GPR149: variants seen among roughly 807,000 people sequenced by gnomAD.
GPR149 encodes G protein-coupled receptor 149.
A neutral mutation model predicts 50.2 loss-of-function variants in GPR149; 50 were observed. The ratio of observed to expected loss-of-function variants is 1.00; its 90% CI spans 0.79 to 1.26. The LOEUF (loss-of-function observed/expected upper bound fraction) is 1.26. Among genes scored for constraint, GPR149 ranks in the 50% most tolerant of loss-of-function variants. The pLI, the probability that GPR149 is intolerant of heterozygous loss-of-function variation, is 0.00. For missense variants in GPR149, 983 were observed against 895.4 expected, an observed-to-expected ratio of 1.10 and a Z score of -1.25; for synonymous variants, 405 against 358.2, an observed-to-expected ratio of 1.13 and a Z score of -1.48.
intron 3 of GPR149, among the ~76,000 whole-genome samples, chr3:154,355,122 G>T (rs1053587165): frequency 2.0e-5 from 3 of 152,140 alleles, no homozygotes; most frequent in African/African-American, 4.8e-5. Flanking sequence ...CTGCCTCCTG[G>T]GTTCAAGCGG....
At chr3:154,372,836 A>G (rs1014951679) in intron 3 of GPR149, among the ~76,000 whole-genome samples, 1 of 152,204 alleles carries the variant, frequency 6.6e-6, no homozygotes, top group African/African-American at 2.4e-5. Context: ...TGGCTTGGGC[A>G]ACTGAATGAT....
Position 154,336,275 on chromosome 3 carries a change from C to T in GPR149, c.*1424G>A, listed in dbSNP as rs1053782273. 2 of 151,944 alleles carry T rather than the reference C, an allele frequency of 1.3e-5. No individual in the cohort carries two copies. Among genetic ancestry groups the T allele is most frequent in the Non-Finnish European group, 2.9e-5 (2 of 67,908 alleles). 9.4% of individuals were successfully genotyped at this position (151,944 alleles called of 1,614,324 possible). On this transcript the variant is annotated 3_prime_UTR_variant, in exon 4 of 4. Coordinates refer to ENST00000389740, the MANE Select transcript of GPR149 (RefSeq NM_001038705.3). ...ATGCTTGTGGCAACAAAAGATGAAA[C>T]ATTCTGAAAGCCGATGTCAAGTAAT...
chr3:154,380,533 A>G (rs1404553559), intron 3 of GPR149, among the ~76,000 whole-genome samples: 1 of 152,156 alleles, frequency 6.6e-6, no homozygotes, highest in Non-Finnish European at 1.5e-5. Flanking sequence ...ATTGCACTAA[A>G]TTATTTATGT....
At chr3:154,419,711 A>AC (rs1234008296) in intron 3 of GPR149, among the ~76,000 whole-genome samples, 2 of 152,062 alleles carry the variant, frequency 1.3e-5, no homozygotes, top group African/African-American at 4.8e-5. Flanking sequence ...ACACACACAC[A>AC]CATATATGCG....
At chr3:154,350,510 G>A (rs1331879756) in intron 3 of GPR149, among the ~76,000 whole-genome samples, 2 of 152,114 alleles carry the variant, frequency 1.3e-5, no homozygotes, top group Admixed American at 1.3e-4. Context: ...CTAATATACT[G>A]GAAACTACAT....
In GPR149 at chr3:154,421,379, T is replaced by C. The variant is rs777707427; in HGVS notation, c.1283A>G (p.His428Arg). Reference sequence around the variant, plus strand: ...TTCACACTCAGAGTTCATCAGGTTGTGATAGAATATGGAATTTTCATCATC... The same window carrying C: ...TTCACACTCAGAGTTCATCAGGTTGCGATAGAATATGGAATTTTCATCATC... ...YDDDENSIFY[H>R]NLMNSECETT... Residue 428 changes from histidine to arginine, a missense_variant, in exon 3 of 4, where the codon CAC becomes CGC. By Grantham distance (29) the His-to-Arg change is conservative. Transcript: ENST00000389740. The C allele has an allele frequency of 6.2e-7, 1 of 1,612,742 alleles. No homozygotes were observed. Among genetic ancestry groups the C allele is most frequent in the South Asian group, 1.1e-5 (1 of 91,000 alleles).
chr3:154,409,228 C>G (rs886958188), intron 3 of GPR149, among the ~76,000 whole-genome samples: 1 of 152,188 alleles, frequency 6.6e-6, no homozygotes, highest in Non-Finnish European at 1.5e-5. Context: ...ACCTGAACAG[C>G]AGCCCTTGAA....
intron 1 of GPR149, among the ~76,000 whole-genome samples, 183 bp from the exon 2 acceptor site, chr3:154,427,891 C>A (rs1712352471): frequency 6.6e-6 from 1 of 152,154 alleles, no homozygotes; most frequent in Non-Finnish European, 1.5e-5. Flanking sequence ...GCGGGGCACA[C>A]CCCCAGGGTT....
intron 3 of GPR149, among the ~76,000 whole-genome samples, chr3:154,383,749 A>C (rs904135593): frequency 6.6e-6 from 1 of 151,990 alleles, no homozygotes; most frequent in Non-Finnish European, 1.5e-5. Context: ...GTTGATCTTT[A>C]ATCCCCCAAA....
In GPR149 at chr3:154,421,404, C is replaced by A. The variant is rs1288857562; in HGVS notation, c.1258G>T (p.Asp420Tyr). The change falls in exon 3 of 4, where the codon GAT becomes TAT. Residue 420 changes from aspartate (D) to tyrosine (Y), a missense_variant. Physicochemically the swap from Asp to Tyr is radical, Grantham distance 160. Transcript: ENST00000389740. ...TGATAGAATATGGAATTTTCATCAT[C>A]ATCATAGTAATCTTCATGTGCTATT... ...YKIAHEDYYD[D>Y]DENSIFYHNL... 5 of 1,611,044 alleles carry A rather than the reference C, an allele frequency of 3.1e-6. No individual in the cohort carries two copies. The African/African-American group carries it at 6.7e-5, about 22-fold the overall frequency.
At chr3:154,417,262 G>T (rs1253934025) in intron 3 of GPR149, among the ~76,000 whole-genome samples, 2 of 151,928 alleles carry the variant, frequency 1.3e-5, no homozygotes, top group African/African-American at 4.8e-5. Context: ...GGTTCAAAAA[G>T]AAGTAATTGT....
rs940832296 is a variant in GPR149 at position 154,373,482 on chromosome 3, C to T, written c.1624-35211G>A. Among the ~76,000 whole-genome samples the T allele has an allele frequency of 5.9e-5, 9 of 152,150 alleles. No homozygotes were observed. In the South Asian group the frequency reaches 8.3e-4, roughly 14 times the overall value. On this transcript the variant is annotated intron_variant, in intron 3 of 3. Coordinates refer to ENST00000389740, the MANE Select transcript of GPR149 (RefSeq NM_001038705.3). ...GAAAGGAACCCAGGAGCTTTCATCA[C>T]GGATTGCCAAGTACTTTAATTAAAT...
At chr3:154,406,081 A>G (rs1711677800) in intron 3 of GPR149, among the ~76,000 whole-genome samples, 1 of 152,024 alleles carries the variant, frequency 6.6e-6, no homozygotes, top group African/African-American at 2.4e-5. Flanking sequence ...GAAGATGAAG[A>G]AAAAGAAATC....
At chr3:154,339,975 T>C (rs1199682981) in intron 3 of GPR149, among the ~76,000 whole-genome samples, 1 of 151,558 alleles carries the variant, frequency 6.6e-6, no homozygotes, top group East Asian at 1.9e-4. Context: ...TATTTTTTTA[T>C]TAGAGACGGG....
chr3:154,337,665 G>A lies in GPR149; in HGVS notation c.*34C>T. 1 of 1,453,802 alleles carries A rather than the reference G, an allele frequency of 6.9e-7. No homozygotes were observed. The highest frequency in any genetic ancestry group is 9.3e-7 in the Non-Finnish European group (1 of 1,074,168). The allele number at this position is 1,453,802 out of a possible 1,614,324, so 90.1% of individuals were successfully genotyped here. A position where few individuals can be genotyped will look rare whatever the true frequency, so the allele number is the denominator to read the frequency against. ...TGTTAGTTTCACAGTTGACGTTGCA[G>A]ATCCATTCTTGCTCCTGTTAGACCA... On this transcript the variant is annotated 3_prime_UTR_variant, in exon 4 of 4. Transcript: ENST00000389740.
intron 3 of GPR149, among the ~76,000 whole-genome samples, chr3:154,345,440 G>A (rs1396550097): frequency 6.6e-6 from 1 of 152,150 alleles, no homozygotes. Flanking sequence ...TGTAATCTCT[G>A]CTTTCTTTTC....
chr3:154,407,693 T>TACACACACACAC (rs1175398541), intron 3 of GPR149, among the ~76,000 whole-genome samples: 18,971 of 139,806 alleles, frequency 0.14, 1,397 homozygotes, highest in East Asian at 0.3. Context: ...GTCATGTGTA[T>TACACACACACAC]ACACACACAC....
intron 3 of GPR149, among the ~76,000 whole-genome samples, chr3:154,357,684 T>C (rs1559973210): frequency 2.0e-5 from 3 of 152,200 alleles, no homozygotes; most frequent in African/African-American, 7.2e-5. Context: ...ACTTTTACAC[T>C]GTTGGTGGGA....
chr3:154,368,126 C>T (rs1321392356), intron 3 of GPR149, among the ~76,000 whole-genome samples: 1 of 152,190 alleles, frequency 6.6e-6, no homozygotes, highest in Non-Finnish European at 1.5e-5. Flanking sequence ...ACATTCTAGT[C>T]TTCCAGATTT....
Sources: gnomAD v4.1 joint callset for allele counts (sites outside exome capture counted in the v4.1 genomes callset) on GRCh38, gnomAD v4.1.1 for gene constraint, MANE v1.5 for transcripts, NCBI Gene and HGNC (gene_info 2026-07-23, HGNC 2026-07-21) for gene names.